The following SART3 variants were observed in gnomAD, a reference collection of about 807,000 sequenced individuals.
SART3 encodes HIV-1 Tat-interacting protein of 110kDa.
In SART3, 44 loss-of-function variants were observed where a neutral mutation model predicts 122.3. The ratio of observed to expected loss-of-function variants is 0.36; its 90% CI spans 0.28 to 0.46. SART3 has a LOEUF of 0.46. Ranked by LOEUF, SART3 falls within the 20% of genes least tolerant of loss-of-function variation. The probability of loss-of-function intolerance (pLI) is 1.00; values close to 1 mark genes in which losing one functional copy is unlikely to be tolerated. For synonymous variants in SART3, 442 were observed against 454.0 expected (o/e 0.97, Z 0.34); for missense variants, 1,101 against 1,229.0 (o/e 0.90, Z 1.56).
intron 9 of SART3, 133 bp downstream of exon 9, chr12:108,537,354 TG>T (rs1872956630): frequency 1.4e-6 from 1 of 704,816 alleles, no homozygotes; most frequent in Admixed American, 2.1e-5. Context: ...CTAAGATTTC[TG>T]GGGGAAAAAG....
intron 15 of SART3, among the ~76,000 whole-genome samples, chr12:108,527,513 T>C (rs1250104767): frequency 2.6e-5 from 4 of 152,148 alleles, no homozygotes. Flanking sequence ...CAATGCCATC[T>C]CCCACAGTCC....
chr12:108,558,798 C>T (rs545134673), intron 1 of SART3, among the ~76,000 whole-genome samples: 1 of 152,092 alleles, frequency 6.6e-6, no homozygotes. Context: ...CTTTGGGAGG[C>T]CGAGGCGGGC....
In SART3 at chr12:108,539,636, G is replaced by A. The variant is rs557732309; in HGVS notation, c.907-547C>T. 5.3e-5 allele frequency among the ~76,000 whole-genome samples: 8 copies of A among 152,292 alleles called. No individual in the cohort carries two copies. In the East Asian group the frequency reaches 1.3e-3, roughly 26 times the overall value. On this transcript the variant is annotated intron_variant, in intron 6 of 18. Coordinates refer to ENST00000546815, the MANE Select transcript of SART3 (RefSeq NM_014706.4). ...TTTAGAAAAAAATCTTATTCGACATGTTTTCTCTTCAGGCACATTTTGCTG... is the reference window on the plus strand; with the variant it reads ...TTTAGAAAAAAATCTTATTCGACATATTTTCTCTTCAGGCACATTTTGCTG...
intron 6 of SART3, among the ~76,000 whole-genome samples, chr12:108,542,162 G>A (rs1032467813): frequency 5.3e-5 from 8 of 151,960 alleles, no homozygotes; most frequent in African/African-American, 1.5e-4. Flanking sequence ...ACTTTAACAC[G>A]CACAAAAATT....
rs966788576 is a variant in SART3 at position 108,539,075 on chromosome 12, T to G, written c.921A>C (p.Ala307=). ...ATGCTTGATATTCTGCCAGCCTTGG[T>G]GCCTCTGCCTGCAACTGGAGTACAG... The part of the protein sequence containing the change: ...PYEEALLQAE[A]PRLAEYQAYI... The change falls in exon 7 of 19, where the codon GCA becomes GCC. Residue 307 remains alanine (A), a synonymous_variant. Transcript: ENST00000546815. 3.1e-6 allele frequency: 5 copies of G among 1,614,076 alleles called. No homozygotes were observed. Among genetic ancestry groups the G allele is most frequent in the Admixed American group, 3.3e-5 (2 of 60,006 alleles).
In SART3 at chr12:108,561,136, T is replaced by A. The variant is rs1166113039; in HGVS notation, c.19A>T (p.Thr7Ser). Residue 7 changes from threonine (T) to serine (S), a missense_variant, in exon 1 of 19, where the codon ACC (threonine) becomes TCC (serine). Thr to Ser is a moderately conservative substitution (Grantham distance 58). Coordinates refer to ENST00000546815, the MANE Select transcript of SART3 (RefSeq NM_014706.4). MATAAE[T>S]SASEPEAESK... ...TCAGCCTCGGGTTCTGAAGCCGAGG[T>A]TTCGGCCGCAGTCGCCATCTTGCGC... The A allele has an allele frequency of 1.9e-6, 3 of 1,612,970 alleles. No individual in the cohort carries two copies. The highest frequency in any genetic ancestry group is 2.5e-6 in the Non-Finnish European group (3 of 1,179,084).
At chr12:108,540,546 G>A (rs868527708) in intron 6 of SART3, among the ~76,000 whole-genome samples, 9 of 147,064 alleles carry the variant, frequency 6.1e-5, no homozygotes, top group Admixed American at 1.4e-4. Context: ...TCCCCAAATT[G>A]ATCTCCAGGT....
Position 108,523,339 on chromosome 12 carries a change from A to G in SART3, c.*118T>C. The stretch of plus-strand genomic sequence containing the variant: ...CCTTTCTGTCTAAAGCCGAGGAGCC[A>G]TCTGTGGTTGCGAGCACGCAGCACA... On this transcript the variant is annotated 3_prime_UTR_variant, in exon 19 of 19. Coordinates refer to ENST00000546815, the MANE Select transcript of SART3 (RefSeq NM_014706.4). 9.6e-7 allele frequency: 1 copy of G among 1,046,060 alleles called. No individual in the cohort carries two copies. The highest frequency in any genetic ancestry group is 1.5e-6 in the Non-Finnish European group (1 of 666,280). The allele number at this position is 1,046,060 out of a possible 1,614,324, so 64.8% of individuals were successfully genotyped here.
intron 1 of SART3, chr12:108,560,165 G>C (rs1461731148): frequency 6.6e-6 from 1 of 152,230 alleles, no homozygotes; most frequent in Non-Finnish European, 1.5e-5. Flanking sequence ...CACCTCATAA[G>C]GTTACAAGTG....
chr12:108,553,639 A>G (rs2030094062), intron 1 of SART3, among the ~76,000 whole-genome samples: 1 of 152,210 alleles, frequency 6.6e-6, no homozygotes, highest in South Asian at 2.1e-4. Context: ...CAGGTACTAG[A>G]TATTTAATTA....
Position 108,553,290 on chromosome 12 carries a change from G to C in SART3, c.313-4076C>G, listed in dbSNP as rs563648598. ...ATCCTTAAGGTGACAGAACTGATCT[G>C]TATCTTGACTATATCAATGTCAATA... On this transcript the variant is annotated intron_variant, in intron 1 of 18. Transcript: ENST00000546815. Among the ~76,000 whole-genome samples the C allele has an allele frequency of 3.3e-5, 5 of 152,266 alleles. No homozygotes were observed. The South Asian group carries it at 6.2e-4, about 19-fold the overall frequency.
In SART3 at chr12:108,525,379, T is replaced by TAAATC; in HGVS notation, c.2523+73_2523+77dup. ...CAAACTAGGAACCCATTCTAGAGGT[T>TAAATC]AAATCATCTTTGAACCGATACAGAA... On this transcript the variant is annotated intron_variant, in intron 17 of 18. Coordinates refer to ENST00000546815, the MANE Select transcript of SART3 (RefSeq NM_014706.4). The TAAATC allele has an allele frequency of 3.3e-6, 5 of 1,513,672 alleles. No individual in the cohort carries two copies. The South Asian group carries it at 4.5e-5, about 14-fold the overall frequency. The allele number at this position is 1,513,672 out of a possible 1,614,324, so 93.8% of individuals were successfully genotyped here. A position where few individuals can be genotyped will look rare whatever the true frequency, so the allele number is the denominator to read the frequency against.
Position 108,523,174 on chromosome 12 carries a change from C to A in SART3, c.*283G>T, listed in dbSNP as rs115660909. On this transcript the variant is annotated 3_prime_UTR_variant, in exon 19 of 19. Transcript: ENST00000546815. ...TCTCAAAAACAGTGTGTTCTCGTTT[C>A]GCTTCTGTGCCTCAGTCTTTAAGAT... 5.6e-6 allele frequency: 3 copies of A among 533,890 alleles called. No individual in the cohort carries two copies. Among genetic ancestry groups the A allele is most frequent in the Non-Finnish European group, 1.0e-5 (3 of 296,288 alleles). 33.1% of individuals were successfully genotyped at this position (533,890 alleles called of 1,614,324 possible).
In SART3 at chr12:108,526,146, T is replaced by C. The variant is rs1872365342; in HGVS notation, c.2323A>G (p.Met775Val). ...TTATCCACACAGGGGGAAACAAACA[T>C]TGGCCTCCCTTCTACACTTTTCCGG... Reference protein sequence around the residue: ...MDRKSVEGRPMFVSPCVDKSK... With the variant: ...MDRKSVEGRPVFVSPCVDKSK... Residue 775 changes from methionine (M) to valine (V), a missense_variant, in exon 16 of 19, where the codon ATG (methionine) becomes GTG (valine). Met to Val is a conservative substitution (Grantham distance 21). Transcript: ENST00000546815. 6.2e-7 allele frequency: 1 copy of C among 1,614,098 alleles called. No homozygotes were observed. Among genetic ancestry groups the C allele is most frequent in the Non-Finnish European group, 8.5e-7 (1 of 1,180,034 alleles).
chr12:108,558,850 G>A (rs1464749671), intron 1 of SART3, among the ~76,000 whole-genome samples: 1 of 151,924 alleles, frequency 6.6e-6, no homozygotes, highest in East Asian at 1.9e-4. Context: ...TGGCTAAAAC[G>A]GTGAAACCCC....
intron 1 of SART3, among the ~76,000 whole-genome samples, chr12:108,558,170 A>G (rs186044560): frequency 6.6e-6 from 1 of 152,180 alleles, no homozygotes; most frequent in Non-Finnish European, 1.5e-5. Flanking sequence ...CTCAAAAAAA[A>G]AAATTAATAA....
chr12:108,539,440 C>A (rs530666688), intron 6 of SART3, among the ~76,000 whole-genome samples: 2 of 152,334 alleles, frequency 1.3e-5, no homozygotes, highest in African/African-American at 4.8e-5. Flanking sequence ...AAGTCATGTT[C>A]TTGGGCTACT....
intron 1 of SART3, chr12:108,554,222 A>G (rs1458779322): frequency 7.4e-6 from 1 of 135,092 alleles, no homozygotes; most frequent in Non-Finnish European, 1.5e-5. Context: ...TATTTCCATC[A>G]TGACCTAAAG....
In SART3 at chr12:108,530,268, TTTC is replaced by T. The variant is rs780965758; in HGVS notation, c.1786_1788del (p.Glu596del). On this transcript the variant is annotated inframe_deletion, in exon 15 of 19. Coordinates refer to ENST00000546815, the MANE Select transcript of SART3 (RefSeq NM_014706.4). ...CGAGCTCTTTTCCGTTGTTCAGCCT[TTTC>T]TTCTTCTTGCTGCACAAGGGCTGCT... The T allele has an allele frequency of 2.4e-5, 38 of 1,614,080 alleles. No individual in the cohort carries two copies. In the Admixed American group the frequency reaches 2.7e-4, roughly 11 times the overall value.
Sources: allele counts gnomAD v4.1 joint callset (sites outside exome capture counted in the v4.1 genomes callset), GRCh38; gene constraint gnomAD v4.1.1; transcripts MANE v1.5; gene names NCBI Gene and HGNC (gene_info 2026-07-23, HGNC 2026-07-21).